PRDM15: variants seen among roughly 807,000 people sequenced by gnomAD.
The protein encoded by PRDM15 is PR/SET domain 15.
Under a neutral mutation model 128.6 loss-of-function variants are expected in PRDM15, and 64 were observed. The ratio of observed to expected loss-of-function variants is 0.50; its 90% CI spans 0.41 to 0.61. The LOEUF (loss-of-function observed/expected upper bound fraction) is 0.61. PRDM15 is among the 20% of genes least tolerant of loss of function. PRDM15 has a pLI of 0.00. For missense variants in PRDM15, 1,242 were observed against 1,569.1 expected, an observed-to-expected ratio of 0.79 and a Z score of 3.52; for synonymous variants, 615 against 621.8, an observed-to-expected ratio of 0.99 and a Z score of 0.16.
chr21:41,855,629 G>A (rs1315318479), intron 4 of PRDM15, among the ~76,000 whole-genome samples: 1 of 152,184 alleles, frequency 6.6e-6, no homozygotes, highest in African/African-American at 2.4e-5. Flanking sequence ...TCTCTCTGGT[G>A]GGCACAGAGG....
intron 11 of PRDM15, among the ~76,000 whole-genome samples, chr21:41,835,022 G>A (rs1431561927): frequency 6.6e-6 from 1 of 152,208 alleles, no homozygotes; most frequent in Non-Finnish European, 1.5e-5. Context: ...ATGGAGGAGG[G>A]CTCGCGGTTA....
intron 16 of PRDM15, 107 bp downstream of exon 16, chr21:41,820,960 A>C: frequency 7.1e-7 from 1 of 1,410,226 alleles, no homozygotes; most frequent in South Asian, 1.2e-5. Context: ...CCCAGAGGAC[A>C]TCACTTGTTG....
In PRDM15 at chr21:41,860,380, G is replaced by C. The variant is rs748538313; in HGVS notation, c.-9-8C>G. The stretch of plus-strand genomic sequence containing the variant: ...TTCAGCCATCTCTGACACCTGTCAG[G>C]ATACAAGAGAGCCTCATTAATGACA... On this transcript the variant is annotated splice_polypyrimidine_tract_variant and splice_region_variant and intron_variant, in intron 1 of 23. Coordinates refer to ENST00000398548, the MANE Select transcript of PRDM15 (RefSeq NM_001040424.3). The C allele has an allele frequency of 5.0e-6, 8 of 1,612,358 alleles. No homozygotes were observed. Among genetic ancestry groups the C allele is most frequent in the South Asian group, 4.4e-5 (4 of 91,052 alleles).
intron 6 of PRDM15, among the ~76,000 whole-genome samples, chr21:41,843,092 TTTG>T (rs1451515456): frequency 6.6e-6 from 1 of 151,440 alleles, no homozygotes; most frequent in African/African-American, 2.4e-5. Context: ...GCCTGATTTT[TTTG>T]TTTTTTTGTT....
intron 21 of PRDM15, 99 bp from the exon 22 acceptor site, chr21:41,804,713 T>A: frequency 1.2e-6 from 1 of 810,496 alleles, no homozygotes; most frequent in East Asian, 2.9e-5. Context: ...CCACCACTCC[T>A]GCCCTTCCCT....
At chr21:41,817,487 T>G (rs28469625) in intron 18 of PRDM15, among the ~76,000 whole-genome samples, 104,604 of 152,024 alleles carry the variant, frequency 0.69, 36,222 homozygotes, top group African/African-American at 0.74. Flanking sequence ...CACTGACTAA[T>G]TCCCTGGTCA....
chr21:41,873,211 G>A (rs528572563), intron 1 of PRDM15, among the ~76,000 whole-genome samples: 4 of 152,144 alleles, frequency 2.6e-5, no homozygotes, highest in Admixed American at 6.5e-5. Flanking sequence ...CCTGAGCCTC[G>A]TTGCTCCCCT....
chr21:41,874,294 G>C (rs542782079), intron 1 of PRDM15, among the ~76,000 whole-genome samples: 3 of 151,942 alleles, frequency 2.0e-5, no homozygotes, highest in African/African-American at 7.2e-5. Flanking sequence ...AGAATAGGCA[G>C]AGAGCAAAGC....
In PRDM15 at chr21:41,801,654, G is replaced by A. The variant is rs112998549; in HGVS notation, c.3012C>T (p.Thr1004=). 1.8e-5 allele frequency: 29 copies of A among 1,614,122 alleles called. No individual in the cohort carries two copies. The highest frequency in any genetic ancestry group is 5.5e-5 in the South Asian group (5 of 91,074). ...CGGCCGCAGTGGTGATGGGGGTCAC[G>A]GTGATGTTGGTTAAGCCGACTGAGC... is the stretch of plus-strand genomic sequence containing the variant. ...PSSSVGLTNI[T]VTPITTAAAT... The change falls in exon 24 of 24, where the codon ACC becomes ACT. Residue 1004 remains threonine, a synonymous_variant. Transcript: ENST00000398548.
intron 21 of PRDM15, among the ~76,000 whole-genome samples, chr21:41,806,412 TCACCACCACCACCATCACCAC>T (rs2061633893): frequency 3.2e-4 from 2 of 6,176 alleles, no homozygotes; most frequent in South Asian, 6.3e-3. Context: ...ACCACCACCA[TCACCACCACCACCATCACCAC>T]CACCACCATC....
chr21:41,861,259 C>G (rs1275977021), intron 1 of PRDM15, among the ~76,000 whole-genome samples: 1 of 152,190 alleles, frequency 6.6e-6, no homozygotes, highest in African/African-American at 2.4e-5. Flanking sequence ...GGAGGACTCT[C>G]GTGCTCCCAC....
In PRDM15 at chr21:41,828,098, A is replaced by G; in HGVS notation, c.1534+68T>C. 2 of 1,566,904 alleles carry G rather than the reference A, an allele frequency of 1.3e-6. No individual in the cohort carries two copies. Among genetic ancestry groups the G allele is most frequent in the Non-Finnish European group, 8.7e-7 (1 of 1,147,224 alleles). On this transcript the variant is annotated intron_variant, in intron 12 of 23. Transcript: ENST00000398548. The surrounding 1 kb of genome is among the most constrained non-coding windows in gnomAD (Gnocchi z 5.7). The stretch of plus-strand genomic sequence containing the variant: ...CCCCAAAGGCCCTGCTGACTGCTCC[A>G]TGCCGCCCTGCCCCACCCCGCAGGA...
At chr21:41,806,822 T>G (rs899236999) in intron 21 of PRDM15, among the ~76,000 whole-genome samples, 73 of 139,450 alleles carry the variant, frequency 5.2e-4, no homozygotes, top group Non-Finnish European at 7.4e-4. Flanking sequence ...TCACTATCAT[T>G]ACCATCATCA....
rs1105438 is a variant in PRDM15, at chr21:41,855,700, G to A, written c.286-882C>T. Among the ~76,000 whole-genome samples the A allele has an allele frequency of 9.2e-3, 1,395 of 152,288 alleles. 13 individuals carry two copies. The highest frequency in any genetic ancestry group is 0.041 in the Middle Eastern group (12 of 292). On this transcript the variant is annotated intron_variant, in intron 4 of 23. Coordinates refer to ENST00000398548, the MANE Select transcript of PRDM15 (RefSeq NM_001040424.3). ...GTACCAGGCGATGACCTTCAGAATC[G>A]CGTAGCTGAAGGACCACCAAAATGG...
Position 41,854,869 on chromosome 21 carries a change from T to C in PRDM15, c.286-51A>G. The C allele has an allele frequency of 6.4e-7, 1 of 1,562,016 alleles. No homozygotes were observed. The highest frequency in any genetic ancestry group is 1.2e-5 in the South Asian group (1 of 83,284). The stretch of plus-strand genomic sequence containing the variant: ...AGCCGGGGAAATGGCTGATTACCCA[T>C]CTGTGTATCAGCGTGTGGGGGGCAG... On this transcript the variant is annotated intron_variant, in intron 4 of 23. Coordinates refer to ENST00000398548, the MANE Select transcript of PRDM15 (RefSeq NM_001040424.3). The surrounding 1 kb of genome is among the most constrained non-coding windows in gnomAD (Gnocchi z 4.6).
intron 1 of PRDM15, among the ~76,000 whole-genome samples, chr21:41,864,598 C>A (rs1285792779): frequency 6.6e-6 from 1 of 152,004 alleles, no homozygotes. Context: ...CTCCCTCTGA[C>A]ACCCGCCCAT....
intron 16 of PRDM15, among the ~76,000 whole-genome samples, chr21:41,820,657 C>T (rs1180749318): frequency 2.0e-5 from 3 of 152,192 alleles, no homozygotes; most frequent in African/African-American, 4.8e-5. Flanking sequence ...TAGGCTGTGC[C>T]GGCTGTGGTT....
chr21:41,823,029 CAAA>C (rs33972733), intron 14 of PRDM15, among the ~76,000 whole-genome samples: 98 of 89,820 alleles, frequency 1.1e-3, no homozygotes, highest in Non-Finnish European at 1.7e-3. Context: ...GACTCCGTCT[CAAA>C]AAAAAAAAAA....
Position 41,879,127 on chromosome 21 carries a change from G to C in PRDM15, c.-10+143C>G, listed in dbSNP as rs910752638. On this transcript the variant is annotated intron_variant, in intron 1 of 23. Transcript: ENST00000398548. The surrounding 1 kb of genome is among the most constrained non-coding windows in gnomAD (Gnocchi z 5.1). ...GAACAGTCGGCATGGCGGCTGGACC[G>C]GGGCGGCGCGCGGCTGCCGGGCGCG... The C allele has an allele frequency of 3.9e-6, 4 of 1,030,486 alleles. No individual in the cohort carries two copies. The highest frequency in any genetic ancestry group is 2.4e-6 in the Non-Finnish European group (2 of 845,926). The allele number at this position is 1,030,486 out of a possible 1,614,324, so 63.8% of individuals were successfully genotyped here.
Sources: allele counts gnomAD v4.1 joint callset (sites outside exome capture counted in the v4.1 genomes callset), GRCh38; gene constraint gnomAD v4.1.1; non-coding constraint Gnocchi (gnomAD v3.1); transcripts MANE v1.5; gene names NCBI Gene and HGNC (gene_info 2026-07-23, HGNC 2026-07-21).